PAIP1: variants seen among roughly 807,000 people sequenced by gnomAD.
The protein encoded by PAIP1 is poly(A) binding protein interacting protein 1.
A neutral mutation model predicts 61.3 loss-of-function variants in PAIP1; 16 were observed. The ratio of observed to expected loss-of-function variants is 0.26; its 90% CI spans 0.18 to 0.40. The LOEUF is 0.40. Ranked by LOEUF, PAIP1 falls within the 10% of genes least tolerant of loss-of-function variation. The pLI, the probability that PAIP1 is intolerant of heterozygous loss-of-function variation, is 1.00. For synonymous variants in PAIP1, 187 were observed against 226.2 expected (o/e 0.83, Z 1.56); for missense variants, 416 against 600.9 (o/e 0.69, Z 3.22).
chr5:43,551,153 G>A lies in PAIP1; in HGVS notation c.436-3240C>T, dbSNP rs566492046. 2.0e-5 allele frequency among the ~76,000 whole-genome samples: 3 copies of A among 152,116 alleles called. No homozygotes were observed. In the South Asian group the frequency reaches 6.2e-4, roughly 32 times the overall value. On this transcript the variant is annotated intron_variant, in intron 2 of 10. Coordinates refer to ENST00000306846, the MANE Select transcript of PAIP1 (RefSeq NM_006451.5). ...AGGAAAAACAGGATGGGGGAAAGAG[G>A]GTTTGAACAAGGAAGGACCATGCAC...
chr5:43,546,923 A>G (rs1311510926), intron 3 of PAIP1, among the ~76,000 whole-genome samples: 1 of 151,392 alleles, frequency 6.6e-6, no homozygotes, highest in Non-Finnish European at 1.5e-5. Context: ...CACACCTGTA[A>G]TCTCAGCTAC....
chr5:43,556,161 A>G, intron 1 of PAIP1, 162 bp from the exon 2 acceptor site: 2 of 1,414,610 alleles, frequency 1.4e-6, no homozygotes, highest in Non-Finnish European at 9.2e-7. Context: ...ACAGCCTACA[A>G]AAAGGAACAA....
intron 3 of PAIP1, among the ~76,000 whole-genome samples, chr5:43,545,774 A>T (rs1290129346): frequency 1.7e-3 from 238 of 142,226 alleles, no homozygotes; most frequent in African/African-American, 4.7e-3. Context: ...TTAATCTGTC[A>T]TTTTTTTTTT....
chr5:43,555,195 G>A (rs187365431), intron 2 of PAIP1, among the ~76,000 whole-genome samples: 1 of 152,270 alleles, frequency 6.6e-6, no homozygotes, highest in East Asian at 1.9e-4. Flanking sequence ...TTAGTTGAGT[G>A]TTCACTTTAT....
At chr5:43,550,526 A>T (rs990341977) in intron 2 of PAIP1, among the ~76,000 whole-genome samples, 3 of 152,146 alleles carry the variant, frequency 2.0e-5, no homozygotes, top group Non-Finnish European at 4.4e-5. Context: ...GCTAATAGCC[A>T]CCAGCTGCAT....
chr5:43,539,103 A>G, intron 4 of PAIP1, 68 bp from the exon 5 acceptor site: 1 of 1,032,034 alleles, frequency 9.7e-7, no homozygotes, highest in Non-Finnish European at 1.5e-6. Flanking sequence ...CAAAATAACC[A>G]TTTGTCAGTT....
chr5:43,539,746 T>C (rs367677896), intron 4 of PAIP1, among the ~76,000 whole-genome samples: 9 of 152,354 alleles, frequency 5.9e-5, no homozygotes, highest in South Asian at 2.1e-4. Context: ...TTGGAGCTTA[T>C]TGTCAGTCAT....
chr5:43,532,678 A>C (rs1033833199), intron 9 of PAIP1, among the ~76,000 whole-genome samples: 1 of 152,244 alleles, frequency 6.6e-6, no homozygotes, highest in African/African-American at 2.4e-5. Flanking sequence ...ATGCAAAGAC[A>C]GGCAAATACT....
chr5:43,527,206 A>G lies in PAIP1; in HGVS notation c.*170T>C. Reference sequence around the variant, plus strand: ...ATATACACATTTTAAGTTATAGGGAATAAAGTTTATTTTGGCAGATAGTGT... The same window carrying G: ...ATATACACATTTTAAGTTATAGGGAGTAAAGTTTATTTTGGCAGATAGTGT... On this transcript the variant is annotated 3_prime_UTR_variant, in exon 11 of 11. Coordinates refer to ENST00000306846, the MANE Select transcript of PAIP1 (RefSeq NM_006451.5). 4.5e-6 allele frequency: 2 copies of G among 445,244 alleles called. No homozygotes were observed. The allele number at this position is 445,244 out of a possible 1,614,324, so 27.6% of individuals were successfully genotyped here.
intron 5 of PAIP1, among the ~76,000 whole-genome samples, chr5:43,537,470 A>G (rs72758674): frequency 0.26 from 38,975 of 151,984 alleles, 5,776 homozygotes; most frequent in Non-Finnish European, 0.34. Context: ...ATTAGACTGA[A>G]AAAGAACATG....
chr5:43,549,242 A>G (rs1432521900), intron 2 of PAIP1, among the ~76,000 whole-genome samples: 1 of 152,146 alleles, frequency 6.6e-6, no homozygotes, highest in Non-Finnish European at 1.5e-5. Flanking sequence ...CCCAGGACAC[A>G]GTCTTAGGAG....
At chr5:43,528,646 A>G (rs1396808316) in intron 10 of PAIP1, among the ~76,000 whole-genome samples, 1 of 152,160 alleles carries the variant, frequency 6.6e-6, no homozygotes, top group Non-Finnish European at 1.5e-5. Context: ...TACAGCAACA[A>G]TTGTATTTCT....
In PAIP1 at chr5:43,547,235, T is replaced by G. The variant is rs112437922; in HGVS notation, c.621+493A>C. On this transcript the variant is annotated intron_variant, in intron 3 of 10. Transcript: ENST00000306846. ...TGCTAAGACAAGACATTTTATGGTT[T>G]GGCTTTCTTTTTTTTAAAGACCTAC... Among the ~76,000 whole-genome samples the G allele has an allele frequency of 6.7e-3, 1,018 of 152,184 alleles. 9 individuals carry two copies. Among genetic ancestry groups the G allele is most frequent in the South Asian group, 0.018 (86 of 4,816 alleles).
intron 7 of PAIP1, 47 bp downstream of exon 7, chr5:43,535,486 AG>A: frequency 9.5e-7 from 1 of 1,048,642 alleles, no homozygotes; most frequent in Non-Finnish European, 1.5e-6. Flanking sequence ...CCAAAGAAAA[AG>A]CAAGAAATTG....
rs1369535737 is a variant in PAIP1, at chr5:43,527,096, A to T, written c.*280T>A. 9.8e-6 allele frequency: 2 copies of T among 203,114 alleles called. No individual in the cohort carries two copies. Among genetic ancestry groups the T allele is most frequent in the Non-Finnish European group, 2.0e-5 (2 of 102,070 alleles). 12.6% of individuals were successfully genotyped at this position (203,114 alleles called of 1,614,324 possible). A position where few individuals can be genotyped will look rare whatever the true frequency, so the allele number is the denominator to read the frequency against. On this transcript the variant is annotated 3_prime_UTR_variant, in exon 11 of 11. Coordinates refer to ENST00000306846, the MANE Select transcript of PAIP1 (RefSeq NM_006451.5). ...GATAAGCATCTAACCAACTAGCAAA[A>T]TTTTCAACATTTCATTTATTTCAAA...
At chr5:43,547,178 A>G (rs535749711) in intron 3 of PAIP1, among the ~76,000 whole-genome samples, 5 of 152,180 alleles carry the variant, frequency 3.3e-5, no homozygotes, top group Admixed American at 1.3e-4. Flanking sequence ...TGAAATCCTT[A>G]AATTTTAAAA....
At chr5:43,533,464 A>G (rs543327301) in intron 9 of PAIP1, among the ~76,000 whole-genome samples, 16 of 152,376 alleles carry the variant, frequency 1.1e-4, no homozygotes, top group Admixed American at 9.8e-4. Flanking sequence ...TAGAGGAAAT[A>G]TAAAATTAAA....
chr5:43,536,403 G>C (rs946406296), intron 6 of PAIP1, among the ~76,000 whole-genome samples: 9 of 152,140 alleles, frequency 5.9e-5, no homozygotes, highest in African/African-American at 2.2e-4. Context: ...TTACGGAATG[G>C]ATAAACAATG....
At chr5:43,532,463 G>A (rs1746980675) in intron 9 of PAIP1, among the ~76,000 whole-genome samples, 1 of 152,088 alleles carries the variant, frequency 6.6e-6, no homozygotes, top group South Asian at 2.1e-4. Flanking sequence ...GAGACAACAG[G>A]CAATGGAAAA....
Sources: gnomAD v4.1 joint callset for allele counts (sites outside exome capture counted in the v4.1 genomes callset) on GRCh38, gnomAD v4.1.1 for gene constraint, MANE v1.5 for transcripts, NCBI Gene and HGNC (gene_info 2026-07-23, HGNC 2026-07-21) for gene names.